The following NALCN variants were observed in gnomAD, a reference collection of about 807,000 sequenced individuals.
The protein encoded by NALCN is sodium leak channel NALCN.
In NALCN, 111 loss-of-function variants were observed where a neutral mutation model predicts 225.3. The observed-to-expected ratio is 0.49, with a 90% CI of 0.42 to 0.58. The LOEUF is 0.58. Among genes scored for constraint, NALCN ranks in the 20% least tolerant of loss-of-function variants. NALCN has a pLI of 0.00. For missense variants in NALCN, 1,378 were observed against 2,202.4 expected, an observed-to-expected ratio of 0.63 and a Z score of 7.49; for synonymous variants, 764 against 769.0, an observed-to-expected ratio of 0.99 and a Z score of 0.11.
chr13:101,219,181 A>C (rs2040847693), intron 13 of NALCN, among the ~76,000 whole-genome samples: 1 of 152,190 alleles, frequency 6.6e-6, no homozygotes, highest in Admixed American at 6.6e-5. Flanking sequence ...TGACTTCCTG[A>C]AAGCTACCTG....
rs143193209 is a variant in NALCN at position 101,121,837 on chromosome 13, C to T, written c.2192+2771G>A. Among the ~76,000 whole-genome samples the T allele has an allele frequency of 8.1e-3, 1,228 of 152,116 alleles. 25 individuals carry two copies. The highest frequency in any genetic ancestry group is 0.028 in the African/African-American group (1,153 of 41,510). ...ACAGCAAGGTTGGAGCCTAGGAGAG[C>T]GGAGTCCCTAGAGGCAGTAAAAAGA... On this transcript the variant is annotated intron_variant, in intron 18 of 43. Transcript: ENST00000251127.
rs1566770431 is a variant in NALCN at position 101,061,951 on chromosome 13, G to A, written c.4755+17C>T. 1.9e-6 allele frequency: 3 copies of A among 1,608,494 alleles called. No individual in the cohort carries two copies. The highest frequency in any genetic ancestry group is 2.5e-6 in the Non-Finnish European group (3 of 1,177,540). On this transcript the variant is annotated intron_variant, in intron 41 of 43. Transcript: ENST00000251127. ...GGCGGGGCGGGGACCCAACCTGCAT[G>A]TGTGCAGTTCACTCACAGCTCTGAT... is the stretch of plus-strand genomic sequence containing the variant.
intron 3 of NALCN, among the ~76,000 whole-genome samples, chr13:101,389,393 T>C (rs749288467): frequency 6.6e-6 from 1 of 152,174 alleles, no homozygotes; most frequent in Admixed American, 6.5e-5. Context: ...TGACTACCAA[T>C]GTCCCCAAGA....
intron 1 of NALCN, among the ~76,000 whole-genome samples, chr13:101,415,206 C>CATGTATATATATATATATATAT: frequency 9.5e-6 from 1 of 104,810 alleles, no homozygotes; most frequent in South Asian, 2.8e-4. Context: ...ACAAATCACA[C>CATGTATATATATATATATATAT]ACATATATAT....
At chr13:101,115,528 G>A (rs1303570342) in intron 18 of NALCN, among the ~76,000 whole-genome samples, 4 of 152,128 alleles carry the variant, frequency 2.6e-5, no homozygotes, top group African/African-American at 9.7e-5. Flanking sequence ...TATAAGAAAT[G>A]AGATGCATAC....
intron 14 of NALCN, among the ~76,000 whole-genome samples, chr13:101,178,641 G>C (rs1227242712): frequency 6.6e-6 from 1 of 152,160 alleles, no homozygotes; most frequent in Non-Finnish European, 1.5e-5. Flanking sequence ...CTACCTACTT[G>C]TCACGGAAAT....
At chr13:101,416,720 C>A (rs570195765), upstream of NALCN, among the ~76,000 whole-genome samples, 6 of 152,230 alleles carry the variant, frequency 3.9e-5, no homozygotes, top group African/African-American at 1.4e-4. Context: ...CGGCTGCCAC[C>A]CGCAGTCAGT....
chr13:101,129,747 GT>G (rs1808728256), intron 17 of NALCN, among the ~76,000 whole-genome samples: 2 of 139,498 alleles, frequency 1.4e-5, no homozygotes, highest in Non-Finnish European at 3.1e-5. Flanking sequence ...TATACTTTAA[GT>G]TCTGGGGTAC....
intron 34 of NALCN, among the ~76,000 whole-genome samples, chr13:101,077,136 C>T (rs1566788176): frequency 6.6e-6 from 1 of 152,166 alleles, no homozygotes; most frequent in Admixed American, 6.5e-5. Flanking sequence ...TTTGCTTCCC[C>T]TTCCACCATG....
intron 11 of NALCN, among the ~76,000 whole-genome samples, chr13:101,255,201 CT>C (rs1474323365): frequency 6.6e-6 from 1 of 152,164 alleles, no homozygotes; most frequent in Admixed American, 6.5e-5. Flanking sequence ...CCAACTACCC[CT>C]GGACTCTACA....
intron 13 of NALCN, among the ~76,000 whole-genome samples, chr13:101,208,057 C>T (rs2040385430): frequency 6.6e-6 from 1 of 151,890 alleles, no homozygotes; most frequent in Admixed American, 6.6e-5. Context: ...AGCAAGACAA[C>T]GAACCCACCA....
chr13:101,187,803 T>C (rs1890331223), intron 14 of NALCN, among the ~76,000 whole-genome samples: 1 of 152,206 alleles, frequency 6.6e-6, no homozygotes, highest in African/African-American at 2.4e-5. Context: ...ACAATTTATC[T>C]ATAGAGCAGG....
intron 13 of NALCN, 86 bp downstream of exon 13, chr13:101,229,307 G>A (rs2041259471): frequency 1.7e-6 from 2 of 1,207,982 alleles, no homozygotes; most frequent in African/African-American, 3.1e-5. Flanking sequence ...ACTTCTGAAT[G>A]ACTAAAGTGA....
chr13:101,184,522 T>C (rs1034015771), intron 14 of NALCN, among the ~76,000 whole-genome samples: 3 of 152,236 alleles, frequency 2.0e-5, no homozygotes, highest in Admixed American at 1.3e-4. Context: ...ACCACAGATA[T>C]ATTTATTTTT....
intron 27 of NALCN, among the ~76,000 whole-genome samples, chr13:101,096,745 TA>T (rs1204898177): frequency 6.6e-6 from 1 of 152,186 alleles, no homozygotes; most frequent in African/African-American, 2.4e-5. Context: ...ATAAAGCTGT[TA>T]AAAAGGTTTT....
At chr13:101,266,550 ATC>A (rs2042603630) in intron 10 of NALCN, among the ~76,000 whole-genome samples, 1 of 152,216 alleles carries the variant, frequency 6.6e-6, no homozygotes, top group Non-Finnish European at 1.5e-5. Flanking sequence ...CAGAAATGAA[ATC>A]TGTCTTTAAA....
At chr13:101,129,479 C>T (rs1480555545) in intron 17 of NALCN, among the ~76,000 whole-genome samples, 1 of 152,130 alleles carries the variant, frequency 6.6e-6, no homozygotes, top group African/African-American at 2.4e-5. Context: ...TAGTCTTTGA[C>T]AAAGCTTCCT....
chr13:101,403,923 C>T (rs1490235853), intron 1 of NALCN, among the ~76,000 whole-genome samples: 2 of 152,212 alleles, frequency 1.3e-5, no homozygotes, highest in African/African-American at 2.4e-5. Context: ...ACTTTCATGT[C>T]TTTGGGAAAC....
At chr13:101,222,259 T>C (rs1179379645) in intron 13 of NALCN, among the ~76,000 whole-genome samples, 1 of 152,126 alleles carries the variant, frequency 6.6e-6, no homozygotes, top group Non-Finnish European at 1.5e-5. Context: ...CCCCTTCAGG[T>C]ATTTTCTTCT....
Sources: gnomAD v4.1 joint callset for allele counts (sites outside exome capture counted in the v4.1 genomes callset) on GRCh38, gnomAD v4.1.1 for gene constraint, MANE v1.5 for transcripts, NCBI Gene and HGNC (gene_info 2026-07-23, HGNC 2026-07-21) for gene names.